Variants in TSPAN16 observed in about 807,000 individuals in gnomAD.
The protein encoded by TSPAN16 is tetraspanin-16.
Under a neutral mutation model 25.2 loss-of-function variants are expected in TSPAN16, and 23 were observed. That is an observed-to-expected ratio of 0.91 (90% CI 0.66 to 1.29). TSPAN16 has a LOEUF of 1.29. Ranked by LOEUF, TSPAN16 falls within the 50% of genes most tolerant of loss-of-function variation. The probability of loss-of-function intolerance (pLI) is 0.00; values close to 1 mark genes in which losing one functional copy is unlikely to be tolerated. For synonymous variants in TSPAN16, 123 were observed against 124.4 expected, an observed-to-expected ratio of 0.99 and a Z score of 0.08; for missense variants, 272 against 299.9, an observed-to-expected ratio of 0.91 and a Z score of 0.69.
chr19:11,298,347 G>T lies in TSPAN16; in HGVS notation c.267+8G>T. ...AGAGGCACGCTCTTGTTTGTAAGTT[G>T]GATCTGCACACAGACCCCAGAACTG... is the stretch of plus-strand genomic sequence containing the variant. On this transcript the variant is annotated splice_region_variant and intron_variant, in intron 2 of 6. Transcript: ENST00000590327. The T allele has an allele frequency of 6.2e-7, 1 of 1,613,066 alleles. No homozygotes were observed. Among genetic ancestry groups the T allele is most frequent in the South Asian group, 1.1e-5 (1 of 90,980 alleles).
chr19:11,310,515 CAAA>C lies in TSPAN16; in HGVS notation c.604-1608_604-1606del, dbSNP rs71164183. ...GGGCAATAAGAGCCAAATTCCGTCT[CAAA>C]AAAAAAAAAAAAAAAGTGCAGGAAG... On this transcript the variant is annotated intron_variant, in intron 5 of 6. Transcript: ENST00000590327. Among the ~76,000 whole-genome samples, 845 of 117,014 alleles carry C rather than the reference CAAA, an allele frequency of 7.2e-3. 11 individuals carry two copies. The highest frequency in any genetic ancestry group is 0.022 in the African/African-American group (719 of 33,096). 76.8% of individuals were successfully genotyped at this position (117,014 alleles called of 152,430 possible).
Position 11,298,263 on chromosome 19 carries a change from T to C in TSPAN16, c.191T>C (p.Met64Thr). 6.2e-7 allele frequency: 1 copy of C among 1,614,142 alleles called. No homozygotes were observed. Among genetic ancestry groups the C allele is most frequent in the Non-Finnish European group, 8.5e-7 (1 of 1,180,030 alleles). Reference protein sequence around the residue: ...LLHVGNLCLVMGCITVLLGCA... With the variant: ...LLHVGNLCLVTGCITVLLGCA... ...CACGTTGGCAACCTGTGCCTGGTGA[T>C]GGGATGCATCACGGTACTGCTTGGC... Residue 64 changes from methionine (M) to threonine (T), a missense_variant, in exon 2 of 7, where the codon ATG (methionine) becomes ACG (threonine). Coordinates refer to ENST00000590327, the MANE Select transcript of TSPAN16 (RefSeq NM_001282509.2).
intron 4 of TSPAN16, among the ~76,000 whole-genome samples, chr19:11,302,667 A>ATATATATG (rs1555703601): frequency 1.7e-4 from 21 of 124,806 alleles, no homozygotes; most frequent in African/African-American, 7.3e-4. Context: ...ATACATATAT[A>ATATATATG]TATATATATA....
intron 5 of TSPAN16, among the ~76,000 whole-genome samples, chr19:11,309,045 C>CA (rs926605024): frequency 5.3e-5 from 8 of 151,652 alleles, no homozygotes; most frequent in African/African-American, 1.9e-4. Flanking sequence ...GCCGTTTTTA[C>CA]AAAAAAATTA....
intron 6 of TSPAN16, among the ~76,000 whole-genome samples, chr19:11,313,698 A>G (rs1194380956): frequency 1.3e-5 from 2 of 152,202 alleles, no homozygotes; most frequent in Non-Finnish European, 2.9e-5. Context: ...AAAACACTTT[A>G]TTCTCACTAG....
At chr19:11,321,845 T>A (rs956667465) in intron 6 of TSPAN16, among the ~76,000 whole-genome samples, 1 of 152,098 alleles carries the variant, frequency 6.6e-6, no homozygotes, top group Non-Finnish European at 1.5e-5. Flanking sequence ...AACTGAGCTT[T>A]TTACTAGAAG....
intron 3 of TSPAN16, among the ~76,000 whole-genome samples, chr19:11,300,384 C>T (rs2080531335): frequency 6.6e-6 from 1 of 152,144 alleles, no homozygotes; most frequent in South Asian, 2.1e-4. Flanking sequence ...CCACCAACTC[C>T]AACCAGCCAT....
chr19:11,305,570 ATAAAAT>A (rs1309028593), intron 4 of TSPAN16, among the ~76,000 whole-genome samples: 1 of 146,558 alleles, frequency 6.8e-6, no homozygotes, highest in Admixed American at 7.1e-5. Context: ...AAAAATAAAA[ATAAAAT>A]CCTTGTTGGG....
At chr19:11,300,241 A>C (rs1194049089) in intron 3 of TSPAN16, among the ~76,000 whole-genome samples, 10 of 152,194 alleles carry the variant, frequency 6.6e-5, no homozygotes, top group African/African-American at 2.2e-4. Context: ...AGGTGATCCC[A>C]GAAAACACCT....
At chr19:11,302,698 CACACACACAT>C in intron 4 of TSPAN16, among the ~76,000 whole-genome samples, 2 of 143,342 alleles carry the variant, frequency 1.4e-5, no homozygotes, top group African/African-American at 5.4e-5. Context: ...CACACACACA[CACACACACAT>C]ACATATATAT....
chr19:11,302,528 C>CA (rs71164181), intron 4 of TSPAN16, among the ~76,000 whole-genome samples: 1,068 of 48,262 alleles, frequency 0.022, 16 homozygotes, highest in Middle Eastern at 0.043. Context: ...GGCTCCATCT[C>CA]AAAAAAAAAA....
chr19:11,305,511 C>G (rs974957351), intron 4 of TSPAN16, among the ~76,000 whole-genome samples: 1 of 151,302 alleles, frequency 6.6e-6, no homozygotes, highest in Non-Finnish European at 1.5e-5. Flanking sequence ...ACCTGGGCAA[C>G]AGACAGAGAC....
chr19:11,312,426 A>C, intron 6 of TSPAN16: 2 of 394,670 alleles, frequency 5.1e-6, no homozygotes, highest in Non-Finnish European at 9.1e-6. Flanking sequence ...AAATAAATGA[A>C]ATGGAGAACA....
chr19:11,306,781 C>G, intron 5 of TSPAN16, 25 bp downstream of exon 5: 1 of 1,606,832 alleles, frequency 6.2e-7, no homozygotes, highest in Non-Finnish European at 8.5e-7. Context: ...TGTGTGTTGC[C>G]TTGACAGACC....
At chr19:11,299,275 G>A (rs1484382489) in intron 3 of TSPAN16, among the ~76,000 whole-genome samples, 7 of 148,648 alleles carry the variant, frequency 4.7e-5, no homozygotes, top group Non-Finnish European at 7.4e-5. Context: ...ATGAGACTCC[G>A]TTAAAAAAAA....
chr19:11,312,356 G>T (rs1263366879), intron 6 of TSPAN16, 134 bp downstream of exon 6: 1 of 475,574 alleles, frequency 2.1e-6, no homozygotes, highest in South Asian at 6.0e-5. Flanking sequence ...CAACAAAGAA[G>T]AACAAACTAA....
chr19:11,305,146 T>C (rs2080611906), intron 4 of TSPAN16, among the ~76,000 whole-genome samples: 1 of 152,106 alleles, frequency 6.6e-6, no homozygotes, highest in South Asian at 2.1e-4. Context: ...TGTCTCTCTT[T>C]CATTCATTCA....
chr19:11,306,563 T>C, intron 4 of TSPAN16, 41 bp from the exon 5 acceptor site: 1 of 1,610,452 alleles, frequency 6.2e-7, no homozygotes, highest in Non-Finnish European at 8.5e-7. Context: ...GTTTTTATTA[T>C]TTGAAAGGGA....
chr19:11,318,219 G>C (rs1485625975), downstream of TSPAN16, among the ~76,000 whole-genome samples: 1 of 152,000 alleles, frequency 6.6e-6, no homozygotes, highest in Non-Finnish European at 1.5e-5. Flanking sequence ...TAGAGATGGG[G>C]TTTCACCGTG....
Sources: allele counts gnomAD v4.1 joint callset (sites outside exome capture counted in the v4.1 genomes callset), GRCh38; gene constraint gnomAD v4.1.1; transcripts MANE v1.5; gene names NCBI Gene and HGNC (gene_info 2026-07-23, HGNC 2026-07-21).